The following DAAM1 variants were observed in gnomAD, a reference collection of about 807,000 sequenced individuals.
DAAM1 encodes disheveled-associated activator of morphogenesis 1.
Under a neutral mutation model 130.0 loss-of-function variants are expected in DAAM1, and 52 were observed. The observed-to-expected ratio is 0.40, with a 90% CI of 0.32 to 0.50. The LOEUF (loss-of-function observed/expected upper bound fraction) is 0.50, where lower values mean the gene tolerates loss of function less well. Ranked by LOEUF, DAAM1 falls within the 20% of genes least tolerant of loss-of-function variation. DAAM1 has a pLI of 0.61. For missense variants in DAAM1, 1,134 were observed against 1,303.8 expected (o/e 0.87, Z 2.01); for synonymous variants, 452 against 444.5 (o/e 1.02, Z -0.21).
intron 3 of DAAM1, among the ~76,000 whole-genome samples, chr14:59,305,231 A>G (rs1335417482): frequency 1.3e-5 from 2 of 152,246 alleles, no homozygotes; most frequent in Admixed American, 6.5e-5. Flanking sequence ...GCTCTTAACA[A>G]GCTATGTAGG....
At chr14:59,313,194 G>A (rs117239585) in intron 3 of DAAM1, among the ~76,000 whole-genome samples, 440 of 152,282 alleles carry the variant, frequency 2.9e-3, no homozygotes, top group Non-Finnish European at 5.3e-3. Context: ...TCAGAGATGG[G>A]AGTTTCACAT....
At chr14:59,284,815 A>C (rs921314531) in intron 2 of DAAM1, among the ~76,000 whole-genome samples, 1 of 152,152 alleles carries the variant, frequency 6.6e-6, no homozygotes, top group Non-Finnish European at 1.5e-5. Flanking sequence ...AAAATATGGG[A>C]TTATGTGAAT....
At chr14:59,350,460 TACACAC>T (rs3047886) in intron 17 of DAAM1, among the ~76,000 whole-genome samples, 55 of 150,280 alleles carry the variant, frequency 3.7e-4, no homozygotes, top group African/African-American at 1.2e-3. Flanking sequence ...ACACGCCCCT[TACACAC>T]ACACACACAC....
chr14:59,324,858 A>G (rs1004383013), intron 8 of DAAM1, among the ~76,000 whole-genome samples: 2 of 152,226 alleles, frequency 1.3e-5, no homozygotes, highest in African/African-American at 4.8e-5. Context: ...GGAATTACTT[A>G]GCCCCTTTGA....
chr14:59,300,494 T>A (rs568559060), intron 3 of DAAM1, among the ~76,000 whole-genome samples: 1 of 152,348 alleles, frequency 6.6e-6, no homozygotes, highest in East Asian at 1.9e-4. Context: ...AAGAAAAAAC[T>A]AACCTCTGAT....
rs373481647 is a variant in DAAM1 at position 59,268,339 on chromosome 14, A to G, written c.183+4679A>G. On this transcript the variant is annotated intron_variant, in intron 2 of 24. Coordinates refer to ENST00000360909, the MANE Select transcript of DAAM1 (RefSeq NM_001270520.2). ...AGTTTTTGCATAGATATATGTTTTA[A>G]TTCTTGCAAGTATATATGTAGGAGC... Among the ~76,000 whole-genome samples, 17 of 152,346 alleles carry G rather than the reference A, an allele frequency of 1.1e-4. No homozygotes were observed. The East Asian group carries it at 1.7e-3, about 16-fold the overall frequency.
intron 2 of DAAM1, 123 bp from the exon 3 acceptor site, chr14:59,291,094 T>G (rs75135475): frequency 0.014 from 11,659 of 804,154 alleles, 178 homozygotes; most frequent in Non-Finnish European, 0.015. Flanking sequence ...TCTTGATCTT[T>G]TTCAAGTTCA....
Position 59,353,856 on chromosome 14 carries a change from G to T in DAAM1, c.2268-20G>T, listed in dbSNP as rs1391040733. 1.2e-6 allele frequency: 2 copies of T among 1,609,752 alleles called. No individual in the cohort carries two copies. The highest frequency in any genetic ancestry group is 4.5e-5 in the East Asian group (2 of 44,758). On this transcript the variant is annotated intron_variant, in intron 18 of 24. Transcript: ENST00000360909. ...AGATATATTAAATGAATATCAATTA[G>T]TACATGTTTGCTCTTACAGAATTAA...
Position 59,322,910 on chromosome 14 carries a change from C to T in DAAM1, c.459C>T (p.Ile153=), listed in dbSNP as rs369329990. ...ATGACAGGTTTGTAACCAGATTCAT[C>T]GACTTGGATGGCCTATCATGTATCC... ...TKPMRFVTRF[I]DLDGLSCILN... Residue 153 remains isoleucine (I), a synonymous_variant, in exon 6 of 25, where the codon ATC becomes ATT. Coordinates refer to ENST00000360909, the MANE Select transcript of DAAM1 (RefSeq NM_001270520.2). 41 of 1,610,138 alleles carry T rather than the reference C, an allele frequency of 2.5e-5. 1 individual carries two copies. Among genetic ancestry groups the T allele is most frequent in the Middle Eastern group, 1.6e-4 (1 of 6,066 alleles).
intron 1 of DAAM1, among the ~76,000 whole-genome samples, chr14:59,228,367 A>C (rs1365989142): frequency 1.3e-5 from 2 of 152,184 alleles, no homozygotes; most frequent in Non-Finnish European, 2.9e-5. Flanking sequence ...TTTAGAAATG[A>C]TACTCTTGCC....
chr14:59,297,438 TAGA>T (rs1209348136), intron 3 of DAAM1, among the ~76,000 whole-genome samples: 5 of 152,158 alleles, frequency 3.3e-5, no homozygotes, highest in Non-Finnish European at 7.3e-5. Flanking sequence ...GTAAACAACT[TAGA>T]GGAGGATAGC....
intron 1 of DAAM1, among the ~76,000 whole-genome samples, chr14:59,263,179 A>C (rs535010737): frequency 6.6e-6 from 1 of 152,330 alleles, no homozygotes; most frequent in East Asian, 1.9e-4. Context: ...CAGTGTGATT[A>C]GAGTGTATGT....
At chr14:59,291,183 C>G in intron 2 of DAAM1, 34 bp from the exon 3 acceptor site, 1 of 1,536,492 alleles carries the variant, frequency 6.5e-7, no homozygotes, top group Non-Finnish European at 8.9e-7. Context: ...TAATGTTTAT[C>G]CTATGAAACA....
intron 16 of DAAM1, 53 bp from the exon 17 acceptor site, chr14:59,347,486 T>A: frequency 6.5e-7 from 1 of 1,537,636 alleles, no homozygotes. Flanking sequence ...TGAATTATGT[T>A]AAATTTTAAT....
intron 1 of DAAM1, among the ~76,000 whole-genome samples, chr14:59,208,988 C>T (rs1888348085): frequency 6.6e-6 from 1 of 152,200 alleles, no homozygotes; most frequent in African/African-American, 2.4e-5. Flanking sequence ...TTGCTGCCAT[C>T]CATGTACAGC....
chr14:59,204,332 C>A (rs1888196501), intron 1 of DAAM1, among the ~76,000 whole-genome samples: 1 of 152,168 alleles, frequency 6.6e-6, no homozygotes. Flanking sequence ...TAGCTGTGGG[C>A]CAGGGACTGC....
chr14:59,356,638 T>C (rs1185939077), intron 20 of DAAM1, among the ~76,000 whole-genome samples: 2 of 152,302 alleles, frequency 1.3e-5, no homozygotes, highest in Non-Finnish European at 2.9e-5. Context: ...TATTTGGAGG[T>C]TGAAGTAGGG....
chr14:59,228,769 C>T (rs2139440218), intron 1 of DAAM1, among the ~76,000 whole-genome samples: 1 of 152,292 alleles, frequency 6.6e-6, no homozygotes, highest in African/African-American at 2.4e-5. Context: ...CATGTATTTT[C>T]CTTGCCTACC....
chr14:59,209,168 T>C lies in DAAM1; in HGVS notation c.-38+20400T>C, dbSNP rs151164379. Among the ~76,000 whole-genome samples, 86 of 152,360 alleles carry C rather than the reference T, an allele frequency of 5.6e-4. 1 individual carries two copies. The East Asian group carries it at 0.01, about 18-fold the overall frequency. The stretch of plus-strand genomic sequence containing the variant: ...CCTCCTATAATCTGTTAAATACTTA[T>C]ATTTGACCATCCCTCTTGGCATACA... On this transcript the variant is annotated intron_variant, in intron 1 of 24. Transcript: ENST00000360909.
Sources: allele counts gnomAD v4.1 joint callset (sites outside exome capture counted in the v4.1 genomes callset), GRCh38; gene constraint gnomAD v4.1.1; transcripts MANE v1.5; gene names NCBI Gene and HGNC (gene_info 2026-07-23, HGNC 2026-07-21).